RAB17: variants seen among roughly 807,000 people sequenced by gnomAD.
The protein encoded by RAB17 is ras-related protein Rab-17.
A neutral mutation model predicts 19.3 loss-of-function variants in RAB17; 15 were observed. The ratio of observed to expected loss-of-function variants is 0.78; its 90% CI spans 0.52 to 1.20. The LOEUF is 1.20. RAB17 is among the 50% of genes most tolerant of loss of function. The pLI is 0.00. For missense variants in RAB17, 262 were observed against 269.3 expected, an observed-to-expected ratio of 0.97 and a Z score of 0.19; for synonymous variants, 110 against 112.8, an observed-to-expected ratio of 0.97 and a Z score of 0.16.
intron 2 of RAB17, among the ~76,000 whole-genome samples, chr2:237,579,834 G>A (rs557591059): frequency 1.9e-4 from 29 of 151,966 alleles, no homozygotes; most frequent in African/African-American, 5.8e-4. Context: ...CTTCCTAAAC[G>A]GAAACCACTG....
chr2:237,577,187 A>G (rs2081271958), intron 4 of RAB17, 70 bp downstream of exon 4: 1 of 1,545,958 alleles, frequency 6.5e-7, no homozygotes, highest in Non-Finnish European at 8.7e-7. Flanking sequence ...GTGAGTGCCA[A>G]GGTCTTGACA....
chr2:237,578,528 G>A, intron 2 of RAB17: 1 of 178,000 alleles, frequency 5.6e-6, no homozygotes, highest in South Asian at 1.5e-4. Flanking sequence ...AACCCCTAGA[G>A]CCCTGGGCAC....
rs13394555 is a variant in RAB17, at chr2:237,574,679, C to T, written c.*340G>A. 11,083 of 1,447,502 alleles carry T rather than the reference C, an allele frequency of 7.7e-3. 599 individuals carry two copies. The African/African-American group carries it at 0.13, about 18-fold the overall frequency. 89.7% of individuals were successfully genotyped at this position (1,447,502 alleles called of 1,614,324 possible). A position where few individuals can be genotyped will look rare whatever the true frequency, so the allele number is the denominator to read the frequency against. On this transcript the variant is annotated 3_prime_UTR_variant, in exon 6 of 6. Transcript: ENST00000264601. ...CAGACGTAAGGCATCTTCCCACCGT[C>T]GCTGTGCTGCGGGGACTTTTCCAAT... is the stretch of plus-strand genomic sequence containing the variant.
At chr2:237,579,008 T>C (rs2081288570) in intron 2 of RAB17, 1 of 152,234 alleles carries the variant, frequency 6.6e-6, no homozygotes, top group Non-Finnish European at 1.5e-5. Flanking sequence ...TACCCTTTGC[T>C]TTCCAAAGTT....
chr2:237,581,489 G>A (rs368468260), intron 2 of RAB17, among the ~76,000 whole-genome samples: 14 of 152,038 alleles, frequency 9.2e-5, no homozygotes, highest in South Asian at 2.1e-4. Context: ...TCCTGAGCTC[G>A]GGCAATCTGC....
At chr2:237,588,439 A>C (rs2081367931) in intron 1 of RAB17, among the ~76,000 whole-genome samples, 1 of 152,204 alleles carries the variant, frequency 6.6e-6, no homozygotes, top group South Asian at 2.1e-4. Context: ...ACAGCATCTG[A>C]GGCACAGTGA....
Position 237,575,028 on chromosome 2 carries a change from G to A in RAB17, c.630C>T (p.Cys210=), listed in dbSNP as rs59945834. ...CCAGGAGTGGCTGCACCTAGTGGGC[G>A]CAGCATTTGGCCTGCCTCGCGGGCC... ...NKGPARQAKC[C]AH is the part of the protein sequence containing the mutation. Residue 210 remains cysteine, a synonymous_variant, in exon 6 of 6, where the codon TGC becomes TGT. Transcript: ENST00000264601. 0.18 allele frequency: 295,486 copies of A among 1,607,420 alleles called. 34,921 individuals are homozygous for A. The highest frequency in any genetic ancestry group is 0.6 in the African/African-American group (44,781 of 74,774).
Position 237,575,059 on chromosome 2 carries a change from T to A in RAB17, c.599A>T (p.Asn200Ile). Residue 200 changes from asparagine (N) to isoleucine (I), a missense_variant, in exon 6 of 6, where the codon AAC becomes ATC. By Grantham distance (149) the Asn-to-Ile change is moderately radical. Transcript: ENST00000264601. ...ALRGDAAVALNKGPARQAKCC... is the reference protein window; with the variant it reads ...ALRGDAAVALIKGPARQAKCC... ...TTTGGCCTGCCTCGCGGGCCCCTTG[T>A]TCAGAGCCACAGCTGCATCCCCCCG... 6.2e-7 allele frequency: 1 copy of A among 1,613,678 alleles called. No individual in the cohort carries two copies. Among genetic ancestry groups the A allele is most frequent in the Non-Finnish European group, 8.5e-7 (1 of 1,179,836 alleles).
chr2:237,574,788 T>C lies in RAB17; in HGVS notation c.*231A>G. ...CAGGCACAGGCATCGGGGAATCAGA[T>C]GGTATCAGTGGGGATAGGGCACAGC... On this transcript the variant is annotated 3_prime_UTR_variant, in exon 6 of 6. Transcript: ENST00000264601. 9.8e-7 allele frequency: 1 copy of C among 1,025,402 alleles called. No homozygotes were observed. The allele number at this position is 1,025,402 out of a possible 1,614,324, so 63.5% of individuals were successfully genotyped here. A position where few individuals can be genotyped will look rare whatever the true frequency, so the allele number is the denominator to read the frequency against.
chr2:237,582,687 A>C (rs867074832), intron 2 of RAB17, among the ~76,000 whole-genome samples: 2 of 152,244 alleles, frequency 1.3e-5, no homozygotes, highest in Non-Finnish European at 1.5e-5. Flanking sequence ...TGACAAAAGA[A>C]GCAGGAGTGT....
In RAB17 at chr2:237,574,799, G is replaced by A; in HGVS notation, c.*220C>T. On this transcript the variant is annotated 3_prime_UTR_variant, in exon 6 of 6. Transcript: ENST00000264601. ...ATCGGGGAATCAGATGGTATCAGTGGGGATAGGGCACAGCACTTTCCTGGG... is the reference window on the plus strand; with the variant it reads ...ATCGGGGAATCAGATGGTATCAGTGAGGATAGGGCACAGCACTTTCCTGGG... 1 of 959,046 alleles carries A rather than the reference G, an allele frequency of 1.0e-6. No individual in the cohort carries two copies. Among genetic ancestry groups the A allele is most frequent in the South Asian group, 2.0e-5 (1 of 49,422 alleles). The allele number at this position is 959,046 out of a possible 1,614,324, so 59.4% of individuals were successfully genotyped here.
intron 4 of RAB17, chr2:237,576,489 T>G: frequency 2.3e-6 from 1 of 443,826 alleles, no homozygotes; most frequent in East Asian, 7.1e-5. Context: ...TTTGCTCCCC[T>G]TGCTCTCCCC....
At chr2:237,586,254 T>G in intron 1 of RAB17, 97 bp from the exon 2 acceptor site, 1 of 1,343,804 alleles carries the variant, frequency 7.4e-7, no homozygotes, top group Non-Finnish European at 1.0e-6. Context: ...CAGGAGCAGA[T>G]GGCCCAATAC....
intron 1 of RAB17, among the ~76,000 whole-genome samples, chr2:237,588,457 T>C (rs1460477725): frequency 1.3e-5 from 2 of 152,158 alleles, no homozygotes; most frequent in Non-Finnish European, 2.9e-5. Flanking sequence ...TGAGAGTGCC[T>C]GGGGTGGGAA....
intron 2 of RAB17, chr2:237,578,471 G>A: frequency 4.4e-6 from 1 of 225,290 alleles, no homozygotes; most frequent in East Asian, 9.2e-5. Flanking sequence ...CTTACTGGGA[G>A]TCCGATGCAT....
At chr2:237,575,591 C>T (rs1221370344) in intron 4 of RAB17, 111 bp from the exon 5 acceptor site, 6 of 769,010 alleles carry the variant, frequency 7.8e-6, no homozygotes, top group Non-Finnish European at 1.1e-5. Flanking sequence ...GGAGCCCGCA[C>T]TCCTCCACGT....
Position 237,576,814 on chromosome 2 carries a change from A to G in RAB17, c.435+443T>C. 4.5e-6 allele frequency: 2 copies of G among 448,530 alleles called. 1 individual carries two copies. Among genetic ancestry groups the G allele is most frequent in the Admixed American group, 4.8e-5 (2 of 41,440 alleles). 27.8% of individuals were successfully genotyped at this position (448,530 alleles called of 1,614,324 possible). ...AGTGAAGGAGGCTACATTTGCACAG[A>G]AGCCCCTTCTGGGAACAGAGTAGGG... On this transcript the variant is annotated intron_variant, in intron 4 of 5. Transcript: ENST00000264601.
rs767669427 is a variant in RAB17 at position 237,586,129 on chromosome 2, T to TG, written c.25dup (p.Gln9ProfsTer24). The TG allele has an allele frequency of 1.9e-6, 3 of 1,606,464 alleles. No homozygotes were observed. The highest frequency in any genetic ancestry group is 1.7e-6 in the Non-Finnish European group (2 of 1,177,136). On this transcript the variant is annotated frameshift_variant, in exon 2 of 6. Coordinates refer to ENST00000264601, the MANE Select transcript of RAB17 (RefSeq NM_022449.4). LOFTEE classifies it high-confidence loss of function. ...GGGCTGGCTGGGGGCAGCCCTGGGC[T>TG]GGGGGGTCCTGTGTGCCTGTGCCAT...
At chr2:237,577,165 G>T in intron 4 of RAB17, 92 bp downstream of exon 4, 10 of 1,464,544 alleles carry the variant, frequency 6.8e-6, no homozygotes, top group Non-Finnish European at 9.2e-6. Context: ...GTGGGTGTGC[G>T]TGTATGAAAG....
Sources: gnomAD v4.1 joint callset for allele counts (sites outside exome capture counted in the v4.1 genomes callset) on GRCh38, gnomAD v4.1.1 for gene constraint, MANE v1.5 for transcripts, NCBI Gene and HGNC (gene_info 2026-07-23, HGNC 2026-07-21) for gene names.